Variants in NCOA3 observed in about 807,000 individuals in gnomAD.
NCOA3 encodes the protein nuclear receptor coactivator 3, also known as CBP-interacting protein.
Under a neutral mutation model 158.8 loss-of-function variants are expected in NCOA3, and 51 were observed. The observed-to-expected ratio is 0.32, with a 90% CI of 0.26 to 0.41. NCOA3 has a LOEUF of 0.41. NCOA3 is among the 10% of genes least tolerant of loss of function. The pLI, the probability that NCOA3 is intolerant of heterozygous loss-of-function variation, is 1.00. For synonymous variants in NCOA3, 537 were observed against 592.4 expected, an observed-to-expected ratio of 0.91 and a Z score of 1.36; for missense variants, 1,510 against 1,746.6, an observed-to-expected ratio of 0.86 and a Z score of 2.41.
chr20:47,644,862 T>C (rs2086663968), intron 17 of NCOA3, among the ~76,000 whole-genome samples: 1 of 151,734 alleles, frequency 6.6e-6, no homozygotes, highest in Admixed American at 6.6e-5. Context: ...CACGCCCGGC[T>C]TTTTTTTGTA....
At position 47,595,965 on chromosome 20, in the gene NCOA3, A is replaced by G. The variant is rs139688910; in HGVS notation, c.-20+12704A>G. Among the ~76,000 whole-genome samples, 1,327 of 152,310 alleles carry G rather than the reference A, an allele frequency of 8.7e-3. 70 individuals are homozygous for G. Among genetic ancestry groups the G allele is most frequent in the Admixed American group, 0.082 (1,260 of 15,288 alleles). On this transcript the variant is annotated intron_variant, in intron 2 of 22. Transcript: ENST00000371998. ...GATGTTAGAGCAAGTATTTGTTCAC[A>G]TAGTGATTTTTTACTTTAAACACTA...
chr20:47,645,158 A>T (rs2086667950), intron 17 of NCOA3, among the ~76,000 whole-genome samples: 1 of 152,142 alleles, frequency 6.6e-6, no homozygotes, highest in Non-Finnish European at 1.5e-5. Context: ...AATTATAAAT[A>T]TGCTAAATAT....
Position 47,549,213 on chromosome 20 carries a change from A to G in NCOA3, c.-98-33970A>G, listed in dbSNP as rs193285309. Among the ~76,000 whole-genome samples, 488 of 152,044 alleles carry G rather than the reference A, an allele frequency of 3.2e-3. 7 individuals carry two copies. Among genetic ancestry groups the G allele is most frequent in the Admixed American group, 0.024 (370 of 15,248 alleles). On this transcript the variant is annotated intron_variant, in intron 1 of 22. Coordinates refer to ENST00000371998, the MANE Select transcript of NCOA3 (RefSeq NM_181659.3). ...TTTGTATCACCTATGGAGAACATGT[A>G]TTAACTTTGTAATAAAAAAGTTTTT...
intron 1 of NCOA3, among the ~76,000 whole-genome samples, chr20:47,521,492 CT>C (rs772503226): frequency 3.9e-5 from 6 of 152,060 alleles, no homozygotes; most frequent in Non-Finnish European, 7.3e-5. Flanking sequence ...TGTCGTTCCC[CT>C]ATTGGCTAGG....
At chr20:47,650,886 T>C (rs1249558677) in intron 19 of NCOA3, 96 bp from the exon 20 acceptor site, 1 of 1,214,358 alleles carries the variant, frequency 8.2e-7, no homozygotes, top group African/African-American at 1.5e-5. Context: ...CTGGGTGTTT[T>C]CTGTCTTATA....
chr20:47,507,447 C>G (rs2084047167), intron 1 of NCOA3, among the ~76,000 whole-genome samples: 1 of 152,148 alleles, frequency 6.6e-6, no homozygotes, highest in African/African-American at 2.4e-5. Flanking sequence ...TGTCGACAAC[C>G]TAATTAGTTT....
At chr20:47,562,158 A>AG (rs754082650) in intron 1 of NCOA3, among the ~76,000 whole-genome samples, 3 of 152,196 alleles carry the variant, frequency 2.0e-5, no homozygotes, top group Non-Finnish European at 4.4e-5. Flanking sequence ...CACCTATTGA[A>AG]GGACATCTTG....
intron 1 of NCOA3, among the ~76,000 whole-genome samples, chr20:47,521,363 G>A (rs1176570695): frequency 1.3e-5 from 2 of 151,260 alleles, no homozygotes; most frequent in African/African-American, 4.9e-5. Flanking sequence ...TTTTTTCTCA[G>A]CAAGGCAATT....
intron 1 of NCOA3, among the ~76,000 whole-genome samples, chr20:47,564,435 T>G (rs2085159263): frequency 6.6e-6 from 1 of 152,180 alleles, no homozygotes; most frequent in South Asian, 2.1e-4. Context: ...CATGTGCAAG[T>G]TACTGGGGAT....
intron 15 of NCOA3, 21 bp downstream of exon 15, chr20:47,639,843 C>T (rs923453639): frequency 2.5e-6 from 4 of 1,612,292 alleles, no homozygotes; most frequent in Non-Finnish European, 3.4e-6. Flanking sequence ...ACCCTCCCCT[C>T]TTCATGAAAA....
chr20:47,533,787 T>TCACC (rs1420496671), intron 1 of NCOA3, among the ~76,000 whole-genome samples: 1 of 152,088 alleles, frequency 6.6e-6, no homozygotes, highest in African/African-American at 2.4e-5. Flanking sequence ...TAGCCCAGCA[T>TCACC]GGTGGCAGGT....
At chr20:47,606,093 T>C (rs1050711360) in intron 2 of NCOA3, among the ~76,000 whole-genome samples, 2 of 152,222 alleles carry the variant, frequency 1.3e-5, no homozygotes, top group African/African-American at 4.8e-5. Flanking sequence ...GACCCTCTAC[T>C]GTAGCCTCCC....
chr20:47,597,970 G>C (rs759910278), intron 2 of NCOA3, among the ~76,000 whole-genome samples: 1 of 151,848 alleles, frequency 6.6e-6, no homozygotes, highest in Non-Finnish European at 1.5e-5. Flanking sequence ...CTTCTGCCGG[G>C]CGTGGTGGCT....
chr20:47,582,474 A>G (rs1480234705), intron 1 of NCOA3, among the ~76,000 whole-genome samples: 1 of 152,156 alleles, frequency 6.6e-6, no homozygotes, highest in Non-Finnish European at 1.5e-5. Context: ...CGGCCTCCCA[A>G]AGTGCTGGGA....
In NCOA3 at chr20:47,605,426, ATAT is replaced by A. The variant is rs570779839; in HGVS notation, c.-19-16793_-19-16791del. On this transcript the variant is annotated intron_variant, in intron 2 of 22. Coordinates refer to ENST00000371998, the MANE Select transcript of NCOA3 (RefSeq NM_181659.3). The stretch of plus-strand genomic sequence containing the variant: ...GTGTGTGTGTGTATGAGACATATAT[ATAT>A]TATTATTATGTATATATTACCTTTT... Among the ~76,000 whole-genome samples the A allele has an allele frequency of 6.6e-5, 10 of 152,040 alleles. No individual in the cohort carries two copies. In the East Asian group the frequency reaches 1.9e-3, roughly 29 times the overall value.
intron 1 of NCOA3, among the ~76,000 whole-genome samples, chr20:47,522,688 G>A (rs536827720): frequency 5.6e-4 from 85 of 150,854 alleles, no homozygotes; most frequent in Admixed American, 9.3e-4. Flanking sequence ...ATATGCAAAT[G>A]CAGGGGCGCT....
chr20:47,651,558 TTGTA>T (rs1381641892), intron 20 of NCOA3, among the ~76,000 whole-genome samples: 1 of 152,214 alleles, frequency 6.6e-6, no homozygotes, highest in East Asian at 1.9e-4. Context: ...TTGCCCCTTC[TTGTA>T]TGTTCCAGTA....
intron 8 of NCOA3, among the ~76,000 whole-genome samples, chr20:47,632,182 C>T (rs892567819): frequency 4.6e-5 from 7 of 152,030 alleles, no homozygotes; most frequent in Non-Finnish European, 7.4e-5. Context: ...TCAAGAAATC[C>T]GGAAATGCTT....
Position 47,637,722 on chromosome 20 carries a change from A to C in NCOA3, c.2451A>C (p.Ile817=), listed in dbSNP as rs2086538812. The C allele has an allele frequency of 1.2e-6, 2 of 1,611,948 alleles. No individual in the cohort carries two copies. The highest frequency in any genetic ancestry group is 2.7e-5 in the African/African-American group (2 of 74,846). Residue 817 remains isoleucine, a synonymous_variant, in exon 13 of 23, where the codon ATA becomes ATC. Coordinates refer to ENST00000371998, the MANE Select transcript of NCOA3 (RefSeq NM_181659.3). ...LTSSDFYNNS[I]SSNGSHLGTK... is the part of the protein sequence containing the mutation. ...GTTCTGACTTTTACAATAATTCCATATCCTCAAATGGTAGTCATCTGGGGA... is the reference window on the plus strand; with the variant it reads ...GTTCTGACTTTTACAATAATTCCATCTCCTCAAATGGTAGTCATCTGGGGA...
Sources: allele counts gnomAD v4.1 joint callset (sites outside exome capture counted in the v4.1 genomes callset), GRCh38; gene constraint gnomAD v4.1.1; transcripts MANE v1.5; gene names NCBI Gene and HGNC (gene_info 2026-07-23, HGNC 2026-07-21).